The following RC3H2 variants were observed in gnomAD, a reference collection of about 807,000 sequenced individuals.
The protein encoded by RC3H2 is ring finger and CCCH-type domains 2, also known as roquin-2.
Under a neutral mutation model 133.3 loss-of-function variants are expected in RC3H2, and 31 were observed. That is an observed-to-expected ratio of 0.23 (90% CI 0.17 to 0.31). RC3H2 has a LOEUF of 0.31. Among genes scored for constraint, RC3H2 ranks in the 10% least tolerant of loss-of-function variants. The probability of loss-of-function intolerance (pLI) is 1.00; values close to 1 mark genes in which losing one functional copy is unlikely to be tolerated. For missense variants in RC3H2, 1,175 were observed against 1,437.2 expected, an observed-to-expected ratio of 0.82 and a Z score of 2.95; for synonymous variants, 517 against 502.2, an observed-to-expected ratio of 1.03 and a Z score of -0.40.
At chr9:122,901,221 T>C (rs987647781) in intron 1 of RC3H2, among the ~76,000 whole-genome samples, 2 of 152,248 alleles carry the variant, frequency 1.3e-5, no homozygotes, top group South Asian at 2.1e-4. Context: ...ATTAAAACCA[T>C]TGTTTTCATT....
chr9:122,859,847 G>C, intron 11 of RC3H2, 70 bp downstream of exon 11: 5 of 1,248,136 alleles, frequency 4.0e-6, no homozygotes, highest in Non-Finnish European at 5.8e-6. Flanking sequence ...AGACATTCTA[G>C]AACTATTCAT....
intron 18 of RC3H2, among the ~76,000 whole-genome samples, chr9:122,852,412 G>A (rs1432732752): frequency 2.7e-5 from 4 of 148,994 alleles, no homozygotes; most frequent in African/African-American, 5.0e-5. Context: ...AGGTGGGGGG[G>A]TCAGCCCCCC....
chr9:122,890,080 G>A, intron 4 of RC3H2: 2 of 599,346 alleles, frequency 3.3e-6, no homozygotes, highest in Non-Finnish European at 5.9e-6. Context: ...TGTCGAGGCT[G>A]CAGTGAGCCA....
chr9:122,864,360 T>C (rs1588066119), intron 10 of RC3H2, among the ~76,000 whole-genome samples: 1 of 134,456 alleles, frequency 7.4e-6, no homozygotes, highest in Non-Finnish European at 1.6e-5. Flanking sequence ...ATGCTGACAC[T>C]CAGTAACAAT....
At chr9:122,867,865 C>T (rs564136667) in intron 9 of RC3H2, among the ~76,000 whole-genome samples, 17 of 90,742 alleles carry the variant, frequency 1.9e-4, no homozygotes, top group Admixed American at 6.1e-4. Flanking sequence ...CGTCTCCGCC[C>T]GGCAGCCACC....
intron 9 of RC3H2, chr9:122,875,405 T>G: frequency 1.3e-6 from 2 of 1,499,248 alleles, no homozygotes; most frequent in Non-Finnish European, 8.9e-7. Context: ...AAACAGATCA[T>G]GGGCCATAGT....
chr9:122,888,824 G>C (rs1279876283), intron 4 of RC3H2, among the ~76,000 whole-genome samples: 1 of 152,074 alleles, frequency 6.6e-6, no homozygotes, highest in African/African-American at 2.4e-5. Context: ...TTGTCTCTTT[G>C]GGATAGATTC....
chr9:122,860,149 C>G lies in RC3H2; in HGVS notation c.1635-18G>C, dbSNP rs1564288735. 6.4e-7 allele frequency: 1 copy of G among 1,572,140 alleles called. No individual in the cohort carries two copies. Among genetic ancestry groups the G allele is most frequent in the Non-Finnish European group, 8.8e-7 (1 of 1,141,870 alleles). On this transcript the variant is annotated intron_variant, in intron 10 of 20. Transcript: ENST00000357244. ...CAATTTTACTGGAGAGAAAATTTAA[C>G]AAAGGGCAAAGGAGAAATCACTGTC...
intron 18 of RC3H2, among the ~76,000 whole-genome samples, chr9:122,852,764 G>A (rs1419098398): frequency 2.0e-5 from 3 of 149,962 alleles, no homozygotes; most frequent in African/African-American, 7.4e-5. Flanking sequence ...AGGTGGGGGG[G>A]TCAGCCCCCC....
At chr9:122,885,760 A>G (rs1209317409) in intron 4 of RC3H2, among the ~76,000 whole-genome samples, 1 of 152,206 alleles carries the variant, frequency 6.6e-6, no homozygotes, top group Admixed American at 6.5e-5. Flanking sequence ...AGACATTTTC[A>G]TCACCCCAAA....
intron 12 of RC3H2, 33 bp downstream of exon 12, chr9:122,858,636 T>A: frequency 6.4e-7 from 1 of 1,569,082 alleles, no homozygotes; most frequent in Non-Finnish European, 8.7e-7. Flanking sequence ...ACTGGGCTGT[T>A]AATGACTACA....
chr9:122,863,332 T>G (rs1019223553), intron 10 of RC3H2, among the ~76,000 whole-genome samples: 1 of 152,212 alleles, frequency 6.6e-6, no homozygotes, highest in Non-Finnish European at 1.5e-5. Context: ...TTCAAAAGCT[T>G]ATTTCCTAAA....
chr9:122,872,543 C>A (rs2131435977), intron 9 of RC3H2, among the ~76,000 whole-genome samples: 1 of 152,270 alleles, frequency 6.6e-6, no homozygotes, highest in South Asian at 2.1e-4. Context: ...GTTTACTGTT[C>A]CTCTTTTTCC....
At chr9:122,849,878 G>C (rs1829957560) in intron 20 of RC3H2, 56 bp from the exon 21 acceptor site, 1 of 1,239,582 alleles carries the variant, frequency 8.1e-7, no homozygotes, top group Admixed American at 2.7e-5. Context: ...AAACTGTTAA[G>C]GGTGACTATA....
chr9:122,853,847 A>G (rs1413150960), intron 18 of RC3H2, 105 bp downstream of exon 18: 7 of 1,598,068 alleles, frequency 4.4e-6, no homozygotes, highest in African/African-American at 4.0e-5. Flanking sequence ...TCAATCATCC[A>G]TCAGAGATAG....
chr9:122,888,105 G>A (rs1385191905), intron 4 of RC3H2, among the ~76,000 whole-genome samples: 2 of 151,868 alleles, frequency 1.3e-5, no homozygotes, highest in African/African-American at 2.4e-5. Flanking sequence ...ATAATTATTT[G>A]CTTGCTTGTT....
At chr9:122,885,543 G>A (rs2131472717) in intron 4 of RC3H2, among the ~76,000 whole-genome samples, 1 of 152,170 alleles carries the variant, frequency 6.6e-6, no homozygotes, top group South Asian at 2.1e-4. Context: ...GAACTATAAT[G>A]GCAAAAACCA....
intron 9 of RC3H2, among the ~76,000 whole-genome samples, chr9:122,866,222 A>C (rs1018590765): frequency 2.6e-5 from 4 of 152,208 alleles, no homozygotes; most frequent in Admixed American, 6.5e-5. Context: ...TTTATACCTA[A>C]AGTTAAAAAC....
intron 4 of RC3H2, among the ~76,000 whole-genome samples, chr9:122,887,763 G>A (rs920444998): frequency 6.5e-5 from 2 of 30,992 alleles, no homozygotes; most frequent in South Asian, 2.0e-3. Context: ...TTTTTTTTTT[G>A]AGATGGAGTT....
Sources: allele counts gnomAD v4.1 joint callset (sites outside exome capture counted in the v4.1 genomes callset), GRCh38; gene constraint gnomAD v4.1.1; transcripts MANE v1.5; gene names NCBI Gene and HGNC (gene_info 2026-07-23, HGNC 2026-07-21).